The following ATXN7L1 variants were observed in gnomAD, a reference collection of about 807,000 sequenced individuals.
ATXN7L1 encodes ataxin-7-like protein 1.
ATXN7L1 carries 15 observed loss-of-function variants against 70.8 expected under a neutral mutation model. That is an observed-to-expected ratio of 0.21 (90% CI 0.14 to 0.33). The LOEUF is 0.33. Among genes scored for constraint, ATXN7L1 ranks in the 10% least tolerant of loss-of-function variants. The pLI, the probability that ATXN7L1 is intolerant of heterozygous loss-of-function variation, is 1.00. For missense variants in ATXN7L1, 975 were observed against 1,097.1 expected, an observed-to-expected ratio of 0.89 and a Z score of 1.57; for synonymous variants, 440 against 445.1, an observed-to-expected ratio of 0.99 and a Z score of 0.14.
chr7:105,805,328 C>T (rs1585046356), intron 2 of ATXN7L1, among the ~76,000 whole-genome samples: 1 of 152,142 alleles, frequency 6.6e-6, no homozygotes, highest in African/African-American at 2.4e-5. Flanking sequence ...AAGGAGAACG[C>T]CAGCTGCTCC....
intron 4 of ATXN7L1, among the ~76,000 whole-genome samples, chr7:105,660,853 T>A (rs1160094057): frequency 1.3e-5 from 2 of 152,170 alleles, no homozygotes; most frequent in African/African-American, 2.4e-5. Flanking sequence ...AGTGCTGGGA[T>A]TACAGGTGTG....
intron 3 of ATXN7L1, among the ~76,000 whole-genome samples, chr7:105,694,062 T>TTC (rs1427171127): frequency 6.6e-6 from 1 of 151,142 alleles, no homozygotes; most frequent in Non-Finnish European, 1.5e-5. Context: ...TTTTTTTTTT[T>TTC]TTTAAGGCAG....
At chr7:105,822,239 G>C (rs375839736) in intron 2 of ATXN7L1, among the ~76,000 whole-genome samples, 5 of 152,182 alleles carry the variant, frequency 3.3e-5, no homozygotes, top group African/African-American at 1.2e-4. Flanking sequence ...GGAGTTTAAG[G>C]CAGCGTAGGC....
intron 7 of ATXN7L1, 122 bp from the exon 8 acceptor site, chr7:105,624,389 C>T (rs922882490): frequency 3.4e-5 from 34 of 1,002,364 alleles, no homozygotes; most frequent in African/African-American, 1.0e-4. Context: ...CGGTGGCTCA[C>T]GCCTGTAATC....
rs1797872175 is a variant in ATXN7L1, at chr7:105,639,552, T to C, written c.880A>G (p.Asn294Asp). 1.9e-6 allele frequency: 3 copies of C among 1,551,186 alleles called. No homozygotes were observed. Among genetic ancestry groups the C allele is most frequent in the Non-Finnish European group, 1.7e-6 (2 of 1,146,624 alleles). ...RRLSEREFDP[N>D]KHCGVLDPET... ...GGATCCAATACTCCACAGTGTTTATTTGGGTCAAATTCTCTCTCTGGTTTA... is the reference window on the plus strand; with the variant it reads ...GGATCCAATACTCCACAGTGTTTATCTGGGTCAAATTCTCTCTCTGGTTTA... Residue 294 changes from asparagine (N) to aspartate (D), a missense_variant, in exon 6 of 12, where the codon AAT becomes GAT. By Grantham distance (23) the Asn-to-Asp change is conservative. Around this residue, in one of 5 missense-constraint regions of ATXN7L1, gnomAD observed 192 missense variants for 215.5 expected, o/e 0.89. Coordinates refer to ENST00000419735, the MANE Select transcript of ATXN7L1 (RefSeq NM_020725.2).
At chr7:105,872,504 A>G (rs1818414236) in intron 2 of ATXN7L1, among the ~76,000 whole-genome samples, 1 of 152,246 alleles carries the variant, frequency 6.6e-6, no homozygotes, top group Admixed American at 6.5e-5. Flanking sequence ...GGAATGAAGT[A>G]CTGATCCATG....
chr7:105,613,874 G>A lies in ATXN7L1; in HGVS notation c.2460C>T (p.Thr820=), dbSNP rs1213909735. ...LAPVPDPVNS[T]SSRQVGKNSS... is the part of the protein sequence containing the mutation. ...GGAGGTCCCTTACCTGCCGAGAGGAGGTGCTGTTAACGGGATCGGGCACCG... is the reference window on the plus strand; with the variant it reads ...GGAGGTCCCTTACCTGCCGAGAGGAAGTGCTGTTAACGGGATCGGGCACCG... The change falls in exon 10 of 12, where the codon ACC becomes ACT. Residue 820 remains threonine, a synonymous_variant. Transcript: ENST00000419735. 1.9e-6 allele frequency: 3 copies of A among 1,552,024 alleles called. No individual in the cohort carries two copies. In the Admixed American group the frequency reaches 5.9e-5, roughly 30 times the overall value.
At chr7:105,686,287 G>A (rs956939176) in intron 3 of ATXN7L1, among the ~76,000 whole-genome samples, 2 of 152,262 alleles carry the variant, frequency 1.3e-5, no homozygotes, top group African/African-American at 4.8e-5. Flanking sequence ...AAGCTGAGGC[G>A]GGTGGATCAC....
chr7:105,736,109 G>C (rs1332092670), intron 3 of ATXN7L1, among the ~76,000 whole-genome samples: 2 of 152,172 alleles, frequency 1.3e-5, no homozygotes, highest in Admixed American at 1.3e-4. Flanking sequence ...CCAACCACTG[G>C]AGAAATAGGA....
rs58610730 is a variant in ATXN7L1, at chr7:105,720,630, C to A, written c.356-55342G>T. Among the ~76,000 whole-genome samples, 1,181 of 152,208 alleles carry A rather than the reference C, an allele frequency of 7.8e-3. 17 individuals are homozygous for A. Among genetic ancestry groups the A allele is most frequent in the African/African-American group, 0.025 (1,038 of 41,524 alleles). ...AGAGATGAGATCTCATTACATTGCC[C>A]AGGCTGGCTTTACTATTTTTGGTAG... On this transcript the variant is annotated intron_variant, in intron 3 of 11. Transcript: ENST00000419735.
At chr7:105,773,699 C>T (rs1802325715) in intron 3 of ATXN7L1, among the ~76,000 whole-genome samples, 3 of 152,054 alleles carry the variant, frequency 2.0e-5, no homozygotes, top group Admixed American at 6.5e-5. Context: ...AGTTCCTCCC[C>T]AGGATGTGCT....
intron 3 of ATXN7L1, among the ~76,000 whole-genome samples, chr7:105,757,808 T>G (rs1412172413): frequency 1.3e-5 from 2 of 151,814 alleles, no homozygotes; most frequent in African/African-American, 4.8e-5. Context: ...CAGGCTGGTC[T>G]CAAACTCTTG....
rs541263276 is a variant in ATXN7L1, at chr7:105,614,871, T to A, written c.1518-55A>T. On this transcript the variant is annotated intron_variant, in intron 9 of 11. Coordinates refer to ENST00000419735, the MANE Select transcript of ATXN7L1 (RefSeq NM_020725.2). This position sits in a 1 kb window ranked among gnomAD's most constrained non-coding sequence, Gnocchi z 4.3. ...CAGTGAGACATCGGGTTGGCATTGC[T>A]CAGGAGGCTCGATGACGTTTGAGGA... The A allele has an allele frequency of 1.0e-5, 15 of 1,501,804 alleles. No individual in the cohort carries two copies. The highest frequency in any genetic ancestry group is 1.3e-5 in the Non-Finnish European group (15 of 1,120,298). 93.0% of individuals were successfully genotyped at this position (1,501,804 alleles called of 1,614,324 possible). A position where few individuals can be genotyped will look rare whatever the true frequency, so the allele number is the denominator to read the frequency against.
chr7:105,628,777 A>G (rs943319713), intron 7 of ATXN7L1, among the ~76,000 whole-genome samples: 1 of 150,534 alleles, frequency 6.6e-6, no homozygotes, highest in African/African-American at 2.4e-5. Flanking sequence ...GGGGCCACAG[A>G]GCGAGACTCC....
chr7:105,769,518 C>A (rs1241270580), intron 3 of ATXN7L1, among the ~76,000 whole-genome samples: 3 of 152,248 alleles, frequency 2.0e-5, no homozygotes, highest in Non-Finnish European at 4.4e-5. Flanking sequence ...TTTAGTCCCC[C>A]GAGCACAGGA....
intron 3 of ATXN7L1, among the ~76,000 whole-genome samples, chr7:105,730,464 G>A (rs1796404735): frequency 6.6e-6 from 1 of 152,168 alleles, no homozygotes; most frequent in Admixed American, 6.5e-5. Flanking sequence ...CAGGCGTGGT[G>A]GCTCACGCCT....
chr7:105,752,504 C>A (rs1799328922), intron 3 of ATXN7L1, among the ~76,000 whole-genome samples: 1 of 152,160 alleles, frequency 6.6e-6, no homozygotes, highest in African/African-American at 2.4e-5. Flanking sequence ...TGTGTGACAG[C>A]CACCACACCA....
At chr7:105,870,281 CAAAA>C (rs11324410) in intron 2 of ATXN7L1, among the ~76,000 whole-genome samples, 2 of 125,322 alleles carry the variant, frequency 1.6e-5, no homozygotes, top group Admixed American at 8.0e-5. Context: ...GACTCCATTT[CAAAA>C]AAAAAAAAAA....
chr7:105,783,111 A>C (rs1029211559), intron 3 of ATXN7L1, among the ~76,000 whole-genome samples: 2 of 152,238 alleles, frequency 1.3e-5, no homozygotes, highest in Admixed American at 6.5e-5. Context: ...GAGGAAAAGA[A>C]GGCTCAGAAG....
Sources: allele counts gnomAD v4.1 joint callset (sites outside exome capture counted in the v4.1 genomes callset), GRCh38; gene constraint gnomAD v4.1.1; regional missense constraint gnomAD v4.1.1; non-coding constraint Gnocchi (gnomAD v3.1); transcripts MANE v1.5; gene names NCBI Gene and HGNC (gene_info 2026-07-23, HGNC 2026-07-21).